RAVER2: variants seen among roughly 807,000 people sequenced by gnomAD.
RAVER2 encodes the protein ribonucleoprotein PTB-binding 2.
Under a neutral mutation model 78.1 loss-of-function variants are expected in RAVER2, and 46 were observed. That is an observed-to-expected ratio of 0.59 (90% CI 0.46 to 0.75). The LOEUF (loss-of-function observed/expected upper bound fraction) is 0.75. Ranked by LOEUF, RAVER2 falls within the 30% of genes least tolerant of loss-of-function variation. The pLI is 0.00. For synonymous variants in RAVER2, 311 were observed against 313.3 expected, an observed-to-expected ratio of 0.99 and a Z score of 0.08; for missense variants, 793 against 837.5, an observed-to-expected ratio of 0.95 and a Z score of 0.66.
intron 5 of RAVER2, among the ~76,000 whole-genome samples, chr1:64,801,393 C>G (rs1334157779): frequency 6.6e-6 from 1 of 151,706 alleles, no homozygotes; most frequent in Non-Finnish European, 1.5e-5. Context: ...GCCACTGCAC[C>G]CAGCCTAATT....
chr1:64,832,891 A>G (rs181785246), exon 12 of RAVER2: 1 of 153,156 alleles, frequency 6.5e-6, no homozygotes, highest in Admixed American at 6.5e-5. Context: ...CAAACAAACA[A>G]ACAAACAGAA....
intron 9 of RAVER2, among the ~76,000 whole-genome samples, chr1:64,807,982 T>C (rs1204241439): frequency 2.0e-5 from 3 of 152,196 alleles, no homozygotes; most frequent in Non-Finnish European, 4.4e-5. Context: ...TCTAAGTACA[T>C]AGTAATGCTG....
intron 1 of RAVER2, among the ~76,000 whole-genome samples, chr1:64,746,159 TC>T (rs1037891381): frequency 1.3e-5 from 2 of 152,156 alleles, no homozygotes; most frequent in African/African-American, 4.8e-5. Flanking sequence ...ACTTTTTTTT[TC>T]CCCTGATTTC....
intron 4 of RAVER2, among the ~76,000 whole-genome samples, chr1:64,782,812 A>G (rs553478587): frequency 2.0e-5 from 3 of 152,246 alleles, no homozygotes; most frequent in Admixed American, 6.5e-5. Context: ...TACATGTGCC[A>G]TGTTGGTTTG....
intron 1 of RAVER2, among the ~76,000 whole-genome samples, chr1:64,748,138 AC>A (rs1200167704): frequency 6.6e-6 from 1 of 152,208 alleles, no homozygotes; most frequent in Non-Finnish European, 1.5e-5. Flanking sequence ...TTATAGAAGT[AC>A]CGGCTCTAAA....
rs114198528 is a variant in RAVER2 at position 64,793,866 on chromosome 1, T to C, written c.1105+4352T>C. On this transcript the variant is annotated intron_variant, in intron 5 of 11. Transcript: ENST00000294428. ...TTACTGTTTTGAGGTTCATTCACGT[T>C]GTTACATGGCTTAGTAGTATTTTTT... 3.4e-3 allele frequency among the ~76,000 whole-genome samples: 512 copies of C among 152,342 alleles called. 2 individuals are homozygous for C. Among genetic ancestry groups the C allele is most frequent in the African/African-American group, 0.012 (479 of 41,580 alleles).
chr1:64,806,867 C>G (rs1203091583), intron 8 of RAVER2, among the ~76,000 whole-genome samples: 1 of 152,076 alleles, frequency 6.6e-6, no homozygotes, highest in African/African-American at 2.4e-5. Context: ...AAAAAAAGCA[C>G]TAATACAGCT....
chr1:64,762,104 T>C (rs538867037), intron 1 of RAVER2, among the ~76,000 whole-genome samples: 2 of 152,344 alleles, frequency 1.3e-5, no homozygotes, highest in South Asian at 4.1e-4. Context: ...TGTACAAGTA[T>C]AAATGATATT....
chr1:64,823,784 A>G (rs1034356189), intron 11 of RAVER2, among the ~76,000 whole-genome samples: 2 of 150,588 alleles, frequency 1.3e-5, no homozygotes, highest in African/African-American at 4.9e-5. Flanking sequence ...GCTGTTTGAT[A>G]TGACTGTGTA....
rs1652540974 is a variant in RAVER2, at chr1:64,778,708, T to C, written c.786+616T>C. 2.0e-5 allele frequency among the ~76,000 whole-genome samples: 3 copies of C among 149,242 alleles called. No individual in the cohort carries two copies. The Admixed American group carries it at 2.0e-4, about 10-fold the overall frequency. ...AAATACATTCTAATAAATATATATA[T>C]ATATACTATATATAACACTTTTCCT... On this transcript the variant is annotated intron_variant, in intron 3 of 11. Coordinates refer to ENST00000294428, the Ensembl canonical transcript of RAVER2.
intron 11 of RAVER2, 61 bp downstream of exon 11, chr1:64,814,901 C>T (rs867025260): frequency 3.8e-6 from 5 of 1,327,326 alleles, no homozygotes; most frequent in Non-Finnish European, 5.0e-6. Context: ...ATATTGAGTT[C>T]ACTGAATATG....
Position 64,805,975 on chromosome 1 carries a change from C to T in RAVER2, c.1411+870C>T, listed in dbSNP as rs111619523. On this transcript the variant is annotated intron_variant, in intron 8 of 11. Coordinates refer to ENST00000294428, the Ensembl canonical transcript of RAVER2. ...ATAAATTATTTGCTTTAGTATATGC[C>T]GCTTTAAGAACACTGAAAAGTCAGT... Among the ~76,000 whole-genome samples the T allele has an allele frequency of 7.0e-3, 1,058 of 152,046 alleles. 3 individuals are homozygous for T. Among genetic ancestry groups the T allele is most frequent in the Non-Finnish European group, 0.011 (781 of 67,982 alleles).
chr1:64,771,158 C>T (rs1481264775), intron 2 of RAVER2, among the ~76,000 whole-genome samples: 1 of 151,636 alleles, frequency 6.6e-6, no homozygotes, highest in Non-Finnish European at 1.5e-5. Flanking sequence ...TAAAAGCAGC[C>T]AGAAAAAAAG....
intron 11 of RAVER2, among the ~76,000 whole-genome samples, chr1:64,819,544 A>G (rs1018769299): frequency 6.6e-6 from 1 of 152,236 alleles, no homozygotes; most frequent in African/African-American, 2.4e-5. Context: ...AGAAGAAGAG[A>G]AAGATAATGG....
exon 3 of RAVER2, chr1:64,777,749 A>G: frequency 6.2e-7 from 1 of 1,614,030 alleles, no homozygotes; most frequent in Non-Finnish European, 8.5e-7. Flanking sequence ...TGTATTACCA[A>G]CGTGCCCATT....
chr1:64,795,737 A>G (rs2100861139), intron 5 of RAVER2, among the ~76,000 whole-genome samples: 1 of 152,178 alleles, frequency 6.6e-6, no homozygotes, highest in African/African-American at 2.4e-5. Flanking sequence ...TGATTATGTT[A>G]TCTACAAATA....
At chr1:64,828,732 G>T (rs1459031394) in intron 11 of RAVER2, among the ~76,000 whole-genome samples, 1 of 151,440 alleles carries the variant, frequency 6.6e-6, no homozygotes, top group Non-Finnish European at 1.5e-5. Flanking sequence ...GTATAGTTTA[G>T]TAATGTTCAG....
Position 64,755,724 on chromosome 1 carries a change from G to GTTTTTTTTT in RAVER2, c.249+10324_249+10332dup, listed in dbSNP as rs753375050. ...CATTTCTCTGACTTTATGCTTCATA[G>GTTTTTTTTT]TTTTTTTTTTTTTTTTTTTTTTTTT... is the stretch of plus-strand genomic sequence containing the variant. On this transcript the variant is annotated intron_variant, in intron 1 of 11. Coordinates refer to ENST00000294428, the Ensembl canonical transcript of RAVER2. 3.8e-4 allele frequency among the ~76,000 whole-genome samples: 23 copies of GTTTTTTTTT among 60,660 alleles called. 3 individuals carry two copies. Among genetic ancestry groups the GTTTTTTTTT allele is most frequent in the South Asian group, 5.4e-4 (1 of 1,850 alleles). The allele number at this position is 60,660 out of a possible 152,430, so 39.8% of individuals were successfully genotyped here.
At chr1:64,827,573 G>A (rs909933085) in intron 11 of RAVER2, among the ~76,000 whole-genome samples, 1 of 152,170 alleles carries the variant, frequency 6.6e-6, no homozygotes. Flanking sequence ...CTGAATATTA[G>A]ACATGTAAAA....
Sources: gnomAD v4.1 joint callset for allele counts (sites outside exome capture counted in the v4.1 genomes callset) on GRCh38, gnomAD v4.1.1 for gene constraint, MANE v1.5 for transcripts, NCBI Gene and HGNC (gene_info 2026-07-23, HGNC 2026-07-21) for gene names.